RYR3: variants seen among roughly 807,000 people sequenced by gnomAD.
RYR3 encodes ryanodine receptor 3, also known as brain ryanodine receptor-calcium release channel.
In RYR3, 207 loss-of-function variants were observed where a neutral mutation model predicts 584.3. The ratio of observed to expected loss-of-function variants is 0.35; its 90% CI spans 0.32 to 0.40. The LOEUF is 0.40. Ranked by LOEUF, RYR3 falls within the 10% of genes least tolerant of loss-of-function variation. RYR3 has a pLI of 1.00. For missense variants in RYR3, 5,616 were observed against 6,089.2 expected, an observed-to-expected ratio of 0.92 and a Z score of 2.59; for synonymous variants, 2,416 against 2,248.5, an observed-to-expected ratio of 1.07 and a Z score of -2.11.
chr15:33,832,644 G>A (rs1410454170), intron 86 of RYR3, among the ~76,000 whole-genome samples: 1 of 137,762 alleles, frequency 7.3e-6, no homozygotes, highest in African/African-American at 2.7e-5. Flanking sequence ...GTGACAGAGC[G>A]AGACTCTGTC....
chr15:33,332,489 T>C (rs1413049700), intron 1 of RYR3, among the ~76,000 whole-genome samples: 1 of 151,916 alleles, frequency 6.6e-6, no homozygotes, highest in Admixed American at 6.5e-5. Flanking sequence ...AGTTATAGAA[T>C]ACATACTATT....
At chr15:33,518,130 T>C (rs950770504) in intron 3 of RYR3, among the ~76,000 whole-genome samples, 12 of 152,226 alleles carry the variant, frequency 7.9e-5, no homozygotes, top group African/African-American at 2.9e-4. Flanking sequence ...AATCTGTCTG[T>C]TTCTCTGGCA....
chr15:33,747,770 G>C (rs1326440066), intron 53 of RYR3, among the ~76,000 whole-genome samples: 1 of 152,116 alleles, frequency 6.6e-6, no homozygotes, highest in African/African-American at 2.4e-5. Context: ...AAACTCACAG[G>C]AGAGCTTTAT....
chr15:33,597,618 C>CA (rs3085330), intron 16 of RYR3, among the ~76,000 whole-genome samples: 3,974 of 128,170 alleles, frequency 0.031, 204 homozygotes, highest in African/African-American at 0.1. Flanking sequence ...GACTCTGTCT[C>CA]AAAAAAAAAA....
intron 94 of RYR3, chr15:33,849,283 G>A (rs1452924402): frequency 6.6e-6 from 1 of 152,236 alleles, no homozygotes; most frequent in Non-Finnish European, 1.5e-5. Flanking sequence ...CTGTAGGCAT[G>A]TGGCACTGTG....
chr15:33,336,538 G>GAA lies in RYR3; in HGVS notation c.51+25443_51+25444insAA, dbSNP rs55660627. On this transcript the variant is annotated intron_variant, in intron 1 of 103. Coordinates refer to ENST00000634891, the MANE Select transcript of RYR3 (RefSeq NM_001036.6). ...GGAGGGAAGGAGGGAAGGAGGGAAG[G>GAA]AGGGAAGGAGGGAAGGAAGGAAGAA... is the stretch of plus-strand genomic sequence containing the variant. 9.3e-3 allele frequency among the ~76,000 whole-genome samples: 555 copies of GAA among 59,920 alleles called. 113 individuals carry two copies. The highest frequency in any genetic ancestry group is 0.018 in the Middle Eastern group (2 of 112). The allele number at this position is 59,920 out of a possible 152,430, so 39.3% of individuals were successfully genotyped here. A position where few individuals can be genotyped will look rare whatever the true frequency, so the allele number is the denominator to read the frequency against.
intron 1 of RYR3, among the ~76,000 whole-genome samples, chr15:33,443,408 A>G (rs1365911623): frequency 6.6e-6 from 1 of 152,196 alleles, no homozygotes; most frequent in Non-Finnish European, 1.5e-5. Context: ...TAAGAACACG[A>G]CATAATTTGA....
At chr15:33,529,656 C>T (rs2054685341) in intron 3 of RYR3, among the ~76,000 whole-genome samples, 1 of 152,070 alleles carries the variant, frequency 6.6e-6, no homozygotes, top group Admixed American at 6.6e-5. Flanking sequence ...AATATTTTCT[C>T]CAAAAAGGGT....
chr15:33,351,810 A>G (rs1973307537), intron 1 of RYR3, among the ~76,000 whole-genome samples: 1 of 150,870 alleles, frequency 6.6e-6, no homozygotes, highest in South Asian at 2.1e-4. Flanking sequence ...ATCATACTGA[A>G]TGGGCAAAAA....
At chr15:33,819,947 G>A in intron 77 of RYR3, 140 bp downstream of exon 77, 1 of 563,198 alleles carries the variant, frequency 1.8e-6, no homozygotes, top group Non-Finnish European at 3.1e-6. Flanking sequence ...CAATTCATGT[G>A]CCATAGAGAT....
At chr15:33,523,866 C>G (rs927058628) in intron 3 of RYR3, among the ~76,000 whole-genome samples, 1 of 151,942 alleles carries the variant, frequency 6.6e-6, no homozygotes, top group East Asian at 1.9e-4. Context: ...AGTCAGGTAT[C>G]GTCAATAAAG....
Position 33,854,409 on chromosome 15 carries a change from A to G in RYR3, c.13820A>G (p.Lys4607Arg). 1.3e-6 allele frequency: 2 copies of G among 1,575,890 alleles called. No individual in the cohort carries two copies. The highest frequency in any genetic ancestry group is 1.7e-6 in the Non-Finnish European group (2 of 1,159,074). Residue 4607 changes from lysine to arginine, a missense_variant, in exon 97 of 104, where the codon AAG becomes AGG. This residue lies in a region of RYR3 where 918 missense variants were observed against 887.4 expected (regional missense o/e 1.03). Transcript: ENST00000634891. ...TCTAGGCTAAGTTCCATAGACATGA[A>G]GTACCATATCTGGAAGCTTGGAGTT... ...LVSWLSSIDM[K>R]YHIWKLGVVF...
chr15:33,681,345 G>A (rs1466845630), intron 38 of RYR3, among the ~76,000 whole-genome samples: 1 of 152,114 alleles, frequency 6.6e-6, no homozygotes, highest in East Asian at 1.9e-4. Flanking sequence ...TACCTCTTAC[G>A]GTTCTGGAGG....
intron 51 of RYR3, 148 bp from the exon 52 acceptor site, chr15:33,742,218 T>C (rs1596384788): frequency 3.1e-6 from 2 of 643,276 alleles, no homozygotes; most frequent in East Asian, 5.6e-5. Flanking sequence ...GGAATGTCAC[T>C]GCGCCTGGAG....
chr15:33,539,284 C>A, intron 5 of RYR3, 66 bp from the exon 6 acceptor site: 1 of 1,028,038 alleles, frequency 9.7e-7, no homozygotes, highest in Non-Finnish European at 1.5e-6. Context: ...GGAAGGAGAA[C>A]AAGGAGCAAA....
At chr15:33,519,794 G>A (rs962479251) in intron 3 of RYR3, among the ~76,000 whole-genome samples, 3 of 152,014 alleles carry the variant, frequency 2.0e-5, no homozygotes, top group African/African-American at 7.3e-5. Context: ...TAAGTATTAG[G>A]AGCATCCGTT....
chr15:33,631,204 TCA>T lies in RYR3; in HGVS notation c.2784-3_2784-2del. On this transcript the variant is annotated splice_polypyrimidine_tract_variant and splice_region_variant and intron_variant, in intron 22 of 103. Transcript: ENST00000634891. ...ACCTTAGTCTTCTCCTTCTGTTGTG[TCA>T]CAGAACCCTCTTGGCCCTGGGGTGC... is the stretch of plus-strand genomic sequence containing the variant. The T allele has an allele frequency of 6.4e-7, 1 of 1,560,190 alleles. No homozygotes were observed. Among genetic ancestry groups the T allele is most frequent in the Non-Finnish European group, 8.7e-7 (1 of 1,145,672 alleles).
chr15:33,545,304 G>A (rs1369360440), intron 8 of RYR3, among the ~76,000 whole-genome samples: 1 of 152,136 alleles, frequency 6.6e-6, no homozygotes, highest in Non-Finnish European at 1.5e-5. Context: ...TTGTTCAAGT[G>A]ATTCAGCAAA....
At chr15:33,421,272 T>C (rs1240853266) in intron 1 of RYR3, among the ~76,000 whole-genome samples, 1 of 152,190 alleles carries the variant, frequency 6.6e-6, no homozygotes, top group East Asian at 1.9e-4. Flanking sequence ...AAGGACCTCA[T>C]GCAAGGGAGT....
Sources: allele counts gnomAD v4.1 joint callset (sites outside exome capture counted in the v4.1 genomes callset), GRCh38; gene constraint gnomAD v4.1.1; regional missense constraint gnomAD v4.1.1; transcripts MANE v1.5; gene names NCBI Gene and HGNC (gene_info 2026-07-23, HGNC 2026-07-21).